Variants in ZNF608 observed in about 807,000 individuals in gnomAD.
ZNF608 encodes renal carcinoma antigen NY-REN-36.
In ZNF608, 12 loss-of-function variants were observed where a neutral mutation model predicts 109.0. That is an observed-to-expected ratio of 0.11 (90% CI 0.07 to 0.18). The LOEUF is 0.18. Among genes scored for constraint, ZNF608 ranks in the 10% least tolerant of loss-of-function variants. ZNF608 has a pLI of 1.00. For synonymous variants in ZNF608, 732 were observed against 717.4 expected (o/e 1.02, Z -0.33); for missense variants, 1,707 against 1,879.3 (o/e 0.91, Z 1.70).
At chr5:124,708,603 A>T in intron 2 of ZNF608, 2 of 415,618 alleles carry the variant, frequency 4.8e-6, no homozygotes, top group Non-Finnish European at 9.7e-6. Flanking sequence ...ACCTTACTGA[A>T]ACCAAAGCTC....
At position 124,647,837 on chromosome 5, in the gene ZNF608, T is replaced by A; in HGVS notation, c.2547A>T (p.Leu849Phe). ...LEDSKGASKD[L>F]PGHFLKDHLN... ...GATGATCCTTTAAAAAATGCCCAGG[T>A]AAATCTTTGCTGGCCCCCTTGGAGT... is the stretch of plus-strand genomic sequence containing the variant. Residue 849 changes from leucine (L) to phenylalanine (F), a missense_variant, in exon 5 of 10, where the codon TTA (leucine) becomes TTT (phenylalanine). Coordinates refer to ENST00000513986, the MANE Select transcript of ZNF608 (RefSeq NM_020747.3). 6.2e-7 allele frequency: 1 copy of A among 1,614,210 alleles called. No individual in the cohort carries two copies. The highest frequency in any genetic ancestry group is 1.1e-5 in the South Asian group (1 of 91,086).
In ZNF608 at chr5:124,646,889, G is replaced by C; in HGVS notation, c.3495C>G (p.Asn1165Lys). Residue 1165 changes from asparagine (N) to lysine (K), a missense_variant, in exon 5 of 10, where the codon AAC becomes AAG. This residue lies in a region of ZNF608 where 1,073 missense variants were observed against 1,133.5 expected (regional missense o/e 0.95). Coordinates refer to ENST00000513986, the MANE Select transcript of ZNF608 (RefSeq NM_020747.3). ...KAPSTPEPNK[N>K]HSKLGPSVPN... ...GCACTGATGGCCCTAGTTTAGAATGGTTTTTGTTAGGCTCCGGAGTAGAGG... is the reference window on the plus strand; with the variant it reads ...GCACTGATGGCCCTAGTTTAGAATGCTTTTTGTTAGGCTCCGGAGTAGAGG... 2 of 1,614,202 alleles carry C rather than the reference G, an allele frequency of 1.2e-6. No homozygotes were observed. Among genetic ancestry groups the C allele is most frequent in the South Asian group, 2.2e-5 (2 of 91,086 alleles).
chr5:124,646,559 G>A lies in ZNF608; in HGVS notation c.3705+120C>T, dbSNP rs1580530102. ...TCTTAAGATATTTTTCAAGAGCAGA[G>A]GAAAAAACTAATATGGGTTTCTTTC... On this transcript the variant is annotated intron_variant, in intron 5 of 9. Transcript: ENST00000513986. 6 of 1,278,100 alleles carry A rather than the reference G, an allele frequency of 4.7e-6. No homozygotes were observed. The East Asian group carries it at 1.2e-4, about 25-fold the overall frequency. 79.2% of individuals were successfully genotyped at this position (1,278,100 alleles called of 1,614,324 possible).
intron 3 of ZNF608, among the ~76,000 whole-genome samples, chr5:124,652,232 C>T (rs1032911648): frequency 6.6e-6 from 1 of 152,232 alleles, no homozygotes; most frequent in African/African-American, 2.4e-5. Flanking sequence ...CTGGAAGCCA[C>T]ACAAGCAGAC....
rs1750042777 is a variant in ZNF608 at position 124,637,778 on chromosome 5, A to T, written c.*122T>A. 2 of 987,602 alleles carry T rather than the reference A, an allele frequency of 2.0e-6. No individual in the cohort carries two copies. Among genetic ancestry groups the T allele is most frequent in the African/African-American group, 3.3e-5 (2 of 60,474 alleles). The allele number at this position is 987,602 out of a possible 1,614,324, so 61.2% of individuals were successfully genotyped here. A position where few individuals can be genotyped will look rare whatever the true frequency, so the allele number is the denominator to read the frequency against. On this transcript the variant is annotated 3_prime_UTR_variant, in exon 10 of 10. Transcript: ENST00000513986. ...TGTGATAAAATCTGTAATTTACAAA[A>T]ATGAAATGACTGGTTTTTGCCTGCC... is the stretch of plus-strand genomic sequence containing the variant.
intron 3 of ZNF608, among the ~76,000 whole-genome samples, chr5:124,666,606 A>T (rs1751489103): frequency 6.6e-6 from 1 of 152,122 alleles, no homozygotes; most frequent in South Asian, 2.1e-4. Flanking sequence ...TGCCTTCATA[A>T]TATAGCAAAG....
At chr5:124,642,738 G>T (rs950635054) in intron 7 of ZNF608, among the ~76,000 whole-genome samples, 1 of 123,718 alleles carries the variant, frequency 8.1e-6, no homozygotes, top group South Asian at 2.7e-4. Context: ...TTGCTCTGTC[G>T]CCCACGCTAG....
intron 2 of ZNF608, among the ~76,000 whole-genome samples, chr5:124,716,637 A>G (rs1020267014): frequency 6.6e-6 from 1 of 152,200 alleles, no homozygotes; most frequent in Non-Finnish European, 1.5e-5. Flanking sequence ...GTAGGGTAGG[A>G]TAGGTGAAAT....
At chr5:124,736,089 T>C (rs532130078) in intron 2 of ZNF608, among the ~76,000 whole-genome samples, 2 of 152,150 alleles carry the variant, frequency 1.3e-5, no homozygotes, top group South Asian at 4.2e-4. Context: ...CTTAACTGGC[T>C]CAAGGGATAG....
At chr5:124,718,437 A>C (rs1241048852) in intron 2 of ZNF608, among the ~76,000 whole-genome samples, 1 of 152,248 alleles carries the variant, frequency 6.6e-6, no homozygotes, top group Non-Finnish European at 1.5e-5. Flanking sequence ...ACTGCAGTTT[A>C]TCAAGTGTGA....
intron 3 of ZNF608, among the ~76,000 whole-genome samples, chr5:124,674,217 C>G (rs781399890): frequency 6.6e-6 from 1 of 152,128 alleles, no homozygotes; most frequent in African/African-American, 2.4e-5. Flanking sequence ...TAAAGTCAGA[C>G]AAGGGCTAAC....
chr5:124,706,787 G>A (rs887633887), intron 2 of ZNF608, among the ~76,000 whole-genome samples: 3 of 152,172 alleles, frequency 2.0e-5, no homozygotes, highest in Non-Finnish European at 4.4e-5. Context: ...TCAAACCGAG[G>A]AAAGTTAATG....
At chr5:124,748,490 C>G, upstream of ZNF608, 1 of 974,950 alleles carries the variant, frequency 1.0e-6, no homozygotes, top group Non-Finnish European at 1.2e-6. Context: ...CATGAAGTCC[C>G]CGCTAAGTGC....
At position 124,675,673 on chromosome 5, in the gene ZNF608, G is replaced by A. The variant is rs531495565; in HGVS notation, c.1162+25341C>T. Among the ~76,000 whole-genome samples, 9 of 152,166 alleles carry A rather than the reference G, an allele frequency of 5.9e-5. No homozygotes were observed. The South Asian group carries it at 1.7e-3, about 28-fold the overall frequency. Reference sequence around the variant, plus strand: ...TCAGGATTCATTCCATGAGACTACGGCCATCATTTTTTTAGAAATACCCTT... The same window carrying A: ...TCAGGATTCATTCCATGAGACTACGACCATCATTTTTTTAGAAATACCCTT... On this transcript the variant is annotated intron_variant, in intron 3 of 9. Coordinates refer to ENST00000513986, the MANE Select transcript of ZNF608 (RefSeq NM_020747.3).
In ZNF608 at chr5:124,670,094, G is replaced by C. The variant is rs186079656; in HGVS notation, c.1163-20397C>G. On this transcript the variant is annotated intron_variant, in intron 3 of 9. Coordinates refer to ENST00000513986, the MANE Select transcript of ZNF608 (RefSeq NM_020747.3). ...CTATGACAGGAGTATTAATACAACA[G>C]CTTTACTTGGTTTAAAGAAAGAATT... Among the ~76,000 whole-genome samples, 482 of 152,238 alleles carry C rather than the reference G, an allele frequency of 3.2e-3. 2 individuals are homozygous for C. Among genetic ancestry groups the C allele is most frequent in the Admixed American group, 7.7e-3 (118 of 15,286 alleles).
intron 3 of ZNF608, among the ~76,000 whole-genome samples, chr5:124,655,397 G>A (rs1750963071): frequency 6.6e-6 from 1 of 152,112 alleles, no homozygotes; most frequent in African/African-American, 2.4e-5. Flanking sequence ...GCCAAGCATC[G>A]CAAATGCTGA....
At chr5:124,660,078 T>C (rs1438577215) in intron 3 of ZNF608, among the ~76,000 whole-genome samples, 1 of 152,130 alleles carries the variant, frequency 6.6e-6, no homozygotes, top group Non-Finnish European at 1.5e-5. Context: ...CAACATTTAC[T>C]GGAAATGATC....
intron 3 of ZNF608, among the ~76,000 whole-genome samples, chr5:124,667,527 A>C (rs187480448): frequency 7.3e-4 from 111 of 152,294 alleles, no homozygotes; most frequent in African/African-American, 1.3e-3. Flanking sequence ...AAGATCTACA[A>C]GTAGCAGGGT....
chr5:124,655,356 A>G (rs193222277), intron 3 of ZNF608, among the ~76,000 whole-genome samples: 1 of 152,338 alleles, frequency 6.6e-6, no homozygotes, highest in East Asian at 1.9e-4. Context: ...CAGAGTCTTT[A>G]AAGTGCCTCA....
Sources: allele counts gnomAD v4.1 joint callset (sites outside exome capture counted in the v4.1 genomes callset), GRCh38; gene constraint gnomAD v4.1.1; regional missense constraint gnomAD v4.1.1; transcripts MANE v1.5; gene names NCBI Gene and HGNC (gene_info 2026-07-23, HGNC 2026-07-21).